XRN1: variants seen among roughly 807,000 people sequenced by gnomAD.
The protein encoded by XRN1 is strand-exchange protein 1 homolog.
XRN1 carries 67 observed loss-of-function variants against 222.3 expected under a neutral mutation model. That is an observed-to-expected ratio of 0.30 (90% CI 0.25 to 0.37). The LOEUF is 0.37. XRN1 is among the 10% of genes least tolerant of loss of function. The probability of loss-of-function intolerance (pLI) is 1.00; values close to 1 mark genes in which losing one functional copy is unlikely to be tolerated. For synonymous variants in XRN1, 643 were observed against 652.4 expected (o/e 0.99, Z 0.22); for missense variants, 1,707 against 2,000.2 (o/e 0.85, Z 2.80).
At chr3:142,394,082 C>T (rs2067838243) in intron 20 of XRN1, among the ~76,000 whole-genome samples, 4 of 152,164 alleles carry the variant, frequency 2.6e-5, no homozygotes, top group Admixed American at 6.6e-5. Context: ...CCATCTTGGC[C>T]TCCCAAAGTG....
chr3:142,321,937 A>G (rs1577214842), intron 37 of XRN1, among the ~76,000 whole-genome samples: 1 of 152,076 alleles, frequency 6.6e-6, no homozygotes, highest in Admixed American at 6.6e-5. Flanking sequence ...TTCCCTTCTA[A>G]TTTAGATGTC....
At chr3:142,340,563 G>A (rs2107785692) in intron 33 of XRN1, among the ~76,000 whole-genome samples, 1 of 151,656 alleles carries the variant, frequency 6.6e-6, no homozygotes, top group South Asian at 2.1e-4. Flanking sequence ...AATATCCAAG[G>A]ACAAGAAGGT....
chr3:142,407,928 TTGA>T (rs1441083366), intron 15 of XRN1, among the ~76,000 whole-genome samples: 1 of 152,260 alleles, frequency 6.6e-6, no homozygotes, highest in Non-Finnish European at 1.5e-5. Flanking sequence ...CAATACATGA[TTGA>T]TATCTTCATT....
rs1210661533 is a variant in XRN1, at chr3:142,432,175, A to AAT, written c.308+484_308+485dup. ...ATATAATTTATATATAAATATATAA[A>AAT]ATGTTTTATATATAAAATTTATTTT... On this transcript the variant is annotated intron_variant, in intron 2 of 40. Coordinates refer to ENST00000392981, the MANE Select transcript of XRN1 (RefSeq NM_001282857.2). Among the ~76,000 whole-genome samples, 467 of 123,498 alleles carry AAT rather than the reference A, an allele frequency of 3.8e-3. 7 individuals carry two copies. Among genetic ancestry groups the AAT allele is most frequent in the African/African-American group, 0.014 (458 of 33,434 alleles). 81.0% of individuals were successfully genotyped at this position (123,498 alleles called of 152,430 possible).
At position 142,370,523 on chromosome 3, in the gene XRN1, T is replaced by C. The variant is rs1392183810; in HGVS notation, c.3166A>G (p.Ile1056Val). 2 of 1,607,288 alleles carry C rather than the reference T, an allele frequency of 1.2e-6. No homozygotes were observed. Among genetic ancestry groups the C allele is most frequent in the East Asian group, 2.3e-5 (1 of 44,274 alleles). Residue 1056 changes from isoleucine to valine, a missense_variant, in exon 27 of 41, where the codon ATT becomes GTT. By Grantham distance (29) the Ile-to-Val change is conservative (BLOSUM62 3). This residue lies in a region of XRN1 where 1,234 missense variants were observed against 1,518.2 expected (regional missense o/e 0.81). Coordinates refer to ENST00000392981, the MANE Select transcript of XRN1 (RefSeq NM_001282857.2). ...SCDLQILDAA[I>V]VEKIEEEVEK... ...ACTTCTTCCTCAATTTTCTCAACAA[T>C]AGCTGCATCCAGAATTTGTAAATCA...
At chr3:142,381,701 AG>A (rs2067310965) in intron 22 of XRN1, among the ~76,000 whole-genome samples, 1 of 151,426 alleles carries the variant, frequency 6.6e-6, no homozygotes, top group Non-Finnish European at 1.5e-5. Context: ...CAAGTAGCTG[AG>A]ATTACATGCA....
At chr3:142,367,607 G>A (rs1354978743) in intron 27 of XRN1, among the ~76,000 whole-genome samples, 1 of 151,680 alleles carries the variant, frequency 6.6e-6, no homozygotes, top group African/African-American at 2.4e-5. Context: ...GTGCAGTAAC[G>A]TGATCATAGC....
intron 37 of XRN1, among the ~76,000 whole-genome samples, chr3:142,328,703 TTATATATATATATATATATATATATA>T (rs67278209): frequency 0.052 from 2,428 of 47,060 alleles, 227 homozygotes; most frequent in Non-Finnish European, 0.08. Flanking sequence ...ACTTGTAATA[TTATATATATATATATATATATATATA>T]TATATATATA....
Position 142,311,686 on chromosome 3 carries a change from C to T in XRN1, c.4910G>A (p.Ser1637Asn), listed in dbSNP as rs752816625. Reference sequence around the variant, plus strand: ...AGAGGACTTCAAAGAAGCTGATGAGCTCTCCCGTGGACTTACTTTGACAAT... The same window carrying T: ...AGAGGACTTCAAAGAAGCTGATGAGTTCTCCCGTGGACTTACTTTGACAAT... ...SNIVKVSPRE[S>N]SSASLKSSPI... Residue 1637 changes from serine (S) to asparagine (N), a missense_variant, in exon 41 of 41, where the codon AGC becomes AAC. Physicochemically the swap from Ser to Asn is conservative, Grantham distance 46. Transcript: ENST00000392981. 1.2e-6 allele frequency: 2 copies of T among 1,614,142 alleles called. No individual in the cohort carries two copies. The highest frequency in any genetic ancestry group is 3.3e-5 in the Admixed American group (2 of 60,012).
chr3:142,329,518 T>C lies in XRN1; in HGVS notation c.4320A>G (p.Val1440=). 1 of 1,601,226 alleles carries C rather than the reference T, an allele frequency of 6.2e-7. No homozygotes were observed. Among genetic ancestry groups the C allele is most frequent in the Middle Eastern group, 1.7e-4 (1 of 6,042 alleles). The change falls in exon 37 of 41, where the codon GTA becomes GTG. Residue 1440 remains valine (V), a synonymous_variant. Transcript: ENST00000392981. ...CWPAPSQIPP[V]STPVTELSRI... ...GAGAAAGTTCAGTTACTGGTGTGGA[T>C]ACAGGAGGGATCTGGCTGGGGGCAG... is the stretch of plus-strand genomic sequence containing the variant.
rs367702876 is a variant in XRN1, at chr3:142,440,130, T to C, written c.76-7237A>G. 6.0e-4 allele frequency among the ~76,000 whole-genome samples: 91 copies of C among 152,276 alleles called. 1 individual carries two copies. In the East Asian group the frequency reaches 0.01, roughly 17 times the overall value. ...TACCACTGAGGGCCAGGAGGTTAACTGTCTCCTGGACACTGGCACGGCCTT... is the reference window on the plus strand; with the variant it reads ...TACCACTGAGGGCCAGGAGGTTAACCGTCTCCTGGACACTGGCACGGCCTT... On this transcript the variant is annotated intron_variant, in intron 1 of 40. Coordinates refer to ENST00000392981, the MANE Select transcript of XRN1 (RefSeq NM_001282857.2).
At chr3:142,372,889 T>C (rs929799265) in intron 25 of XRN1, among the ~76,000 whole-genome samples, 1 of 152,224 alleles carries the variant, frequency 6.6e-6, no homozygotes, top group Non-Finnish European at 1.5e-5. Context: ...ATGCAGGTAG[T>C]GATACTAGGA....
chr3:142,390,684 G>A (rs141524897), intron 20 of XRN1, among the ~76,000 whole-genome samples: 268 of 152,306 alleles, frequency 1.8e-3, no homozygotes, highest in African/African-American at 6.2e-3. Context: ...TGTATTCACT[G>A]GAGTAGCACT....
At chr3:142,393,761 T>A (rs912655906) in intron 20 of XRN1, among the ~76,000 whole-genome samples, 23 of 152,182 alleles carry the variant, frequency 1.5e-4, no homozygotes, top group Non-Finnish European at 3.1e-4. Context: ...TCATCCAACT[T>A]GCATGTTCAA....
chr3:142,443,008 C>G (rs1337242618), intron 1 of XRN1, among the ~76,000 whole-genome samples: 1 of 152,184 alleles, frequency 6.6e-6, no homozygotes, highest in Non-Finnish European at 1.5e-5. Context: ...GCTGGGATTA[C>G]AGGCGTGAGC....
intron 25 of XRN1, among the ~76,000 whole-genome samples, chr3:142,372,977 C>T (rs942017614): frequency 3.3e-5 from 5 of 152,176 alleles, no homozygotes; most frequent in Middle Eastern, 3.2e-3. Context: ...TTCCAATCAG[C>T]TATTTAGTGC....
chr3:142,365,742 C>A (rs1443819593), intron 27 of XRN1, among the ~76,000 whole-genome samples: 1 of 152,130 alleles, frequency 6.6e-6, no homozygotes, highest in African/African-American at 2.4e-5. Flanking sequence ...CCAGTTACTA[C>A]CCTTTCCAGA....
At chr3:142,444,811 C>T (rs2070429453) in intron 1 of XRN1, among the ~76,000 whole-genome samples, 1 of 151,662 alleles carries the variant, frequency 6.6e-6, no homozygotes, top group South Asian at 2.1e-4. Context: ...ATCTCATGAA[C>T]CCCATAAGTA....
At chr3:142,430,684 T>C (rs2069483077) in intron 2 of XRN1, among the ~76,000 whole-genome samples, 1 of 152,204 alleles carries the variant, frequency 6.6e-6, no homozygotes, top group Admixed American at 6.5e-5. Context: ...GCAGATGGTC[T>C]TTCCACTCCT....
Sources: allele counts gnomAD v4.1 joint callset (sites outside exome capture counted in the v4.1 genomes callset), GRCh38; gene constraint gnomAD v4.1.1; regional missense constraint gnomAD v4.1.1; transcripts MANE v1.5; gene names NCBI Gene and HGNC (gene_info 2026-07-23, HGNC 2026-07-21).